Variants in SH3RF1 observed in about 807,000 individuals in gnomAD.
SH3RF1 encodes the protein E3 ubiquitin-protein ligase SH3RF1.
Under a neutral mutation model 74.0 loss-of-function variants are expected in SH3RF1, and 32 were observed. The ratio of observed to expected loss-of-function variants is 0.43; its 90% CI spans 0.33 to 0.58. The LOEUF is 0.58. Ranked by LOEUF, SH3RF1 falls within the 20% of genes least tolerant of loss-of-function variation. The probability of loss-of-function intolerance (pLI) is 0.05; values close to 1 mark genes in which losing one functional copy is unlikely to be tolerated. For missense variants in SH3RF1, 954 were observed against 1,130.9 expected (o/e 0.84, Z 2.24); for synonymous variants, 396 against 439.6 (o/e 0.90, Z 1.24).
intron 2 of SH3RF1, among the ~76,000 whole-genome samples, chr4:169,191,360 G>C (rs569471647): frequency 2.7e-5 from 4 of 150,120 alleles, no homozygotes; most frequent in Non-Finnish European, 5.9e-5. Flanking sequence ...CCTCTACCAG[G>C]GAAACTACAA....
chr4:169,153,809 G>A (rs1462707155), intron 4 of SH3RF1, among the ~76,000 whole-genome samples: 3 of 152,146 alleles, frequency 2.0e-5, no homozygotes, highest in African/African-American at 7.2e-5. Context: ...AAGAAAAGAA[G>A]CAGAATGAAA....
intron 4 of SH3RF1, among the ~76,000 whole-genome samples, chr4:169,143,794 T>C (rs1216464724): frequency 6.6e-6 from 1 of 152,222 alleles, no homozygotes. Flanking sequence ...AGCTCTTCAC[T>C]TATTTTCATT....
In SH3RF1 at chr4:169,221,793, T is replaced by C. The variant is rs368021658; in HGVS notation, c.393+47027A>G. 4.1e-4 allele frequency among the ~76,000 whole-genome samples: 62 copies of C among 152,316 alleles called. No individual in the cohort carries two copies. The East Asian group carries it at 7.1e-3, about 18-fold the overall frequency. On this transcript the variant is annotated intron_variant, in intron 2 of 11. Transcript: ENST00000284637. The stretch of plus-strand genomic sequence containing the variant: ...TTTAAAATTCATCACTTACGTAATA[T>C]CTGAATTCTACAACTCTGATAGCCT...
intron 5 of SH3RF1, among the ~76,000 whole-genome samples, chr4:169,130,445 T>C (rs747814364): frequency 5.3e-5 from 8 of 152,142 alleles, no homozygotes; most frequent in Non-Finnish European, 1.0e-4. Context: ...ATTGCCTCAT[T>C]TGGTACGCCA....
At chr4:169,100,663 C>T (rs114927810) in intron 11 of SH3RF1, among the ~76,000 whole-genome samples, 200 of 152,292 alleles carry the variant, frequency 1.3e-3, no homozygotes, top group African/African-American at 3.6e-3. Flanking sequence ...TCTTAAGTGG[C>T]AACTCTATTT....
chr4:169,190,938 G>GATACACC (rs1734694382), intron 2 of SH3RF1, among the ~76,000 whole-genome samples: 1 of 152,040 alleles, frequency 6.6e-6, no homozygotes, highest in Non-Finnish European at 1.5e-5. Context: ...CAATAAATGT[G>GATACACC]ATACACCACA....
At chr4:169,173,924 C>T (rs768915661) in intron 2 of SH3RF1, among the ~76,000 whole-genome samples, 32 of 151,854 alleles carry the variant, frequency 2.1e-4, no homozygotes, top group Non-Finnish European at 4.1e-4. Context: ...ATCACCCTAC[C>T]CACACACCAC....
intron 11 of SH3RF1, among the ~76,000 whole-genome samples, chr4:169,102,359 G>A (rs1159559672): frequency 1.3e-5 from 2 of 151,362 alleles, no homozygotes; most frequent in Admixed American, 1.3e-4. Context: ...GTTTCCAAGT[G>A]TTCTAGCTTA....
At chr4:169,119,031 A>G (rs2126944850) in intron 8 of SH3RF1, among the ~76,000 whole-genome samples, 1 of 152,282 alleles carries the variant, frequency 6.6e-6, no homozygotes, top group Non-Finnish European at 1.5e-5. Context: ...CATTAGCTTG[A>G]ACATCCTTAT....
intron 2 of SH3RF1, among the ~76,000 whole-genome samples, chr4:169,211,050 A>C (rs1235131184): frequency 6.6e-6 from 1 of 152,156 alleles, no homozygotes; most frequent in African/African-American, 2.4e-5. Context: ...CTCAAAACAT[A>C]TTTATTTTTA....
chr4:169,165,128 G>C (rs1186399568), intron 2 of SH3RF1, among the ~76,000 whole-genome samples: 1 of 152,146 alleles, frequency 6.6e-6, no homozygotes, highest in Non-Finnish European at 1.5e-5. Flanking sequence ...ATCACAGGAT[G>C]GGGACTATTT....
At position 169,102,915 on chromosome 4, in the gene SH3RF1, CTT is replaced by C. The variant is rs66574732; in HGVS notation, c.2498+3930_2498+3931del. Among the ~76,000 whole-genome samples, 519 of 66,832 alleles carry C rather than the reference CTT, an allele frequency of 7.8e-3. 1 individual carries two copies. The highest frequency in any genetic ancestry group is 0.03 in the African/African-American group (455 of 15,138). The allele number at this position is 66,832 out of a possible 152,430, so 43.8% of individuals were successfully genotyped here. A position where few individuals can be genotyped will look rare whatever the true frequency, so the allele number is the denominator to read the frequency against. On this transcript the variant is annotated intron_variant, in intron 11 of 11. Coordinates refer to ENST00000284637, the MANE Select transcript of SH3RF1 (RefSeq NM_020870.4). Reference sequence around the variant, plus strand: ...CAGCACCGGCTGCCCCAGTCACATTCTTTTTTTTTTTTTTTTTTTTTTTTGAG... The same window carrying C: ...CAGCACCGGCTGCCCCAGTCACATTCTTTTTTTTTTTTTTTTTTTTTTGAG...
chr4:169,169,833 T>C (rs906074979), intron 2 of SH3RF1, among the ~76,000 whole-genome samples: 9 of 152,100 alleles, frequency 5.9e-5, no homozygotes, highest in Non-Finnish European at 1.3e-4. Context: ...GCTCAAGCAA[T>C]CCTCCTGTCG....
chr4:169,186,363 G>A (rs779439927), intron 2 of SH3RF1, among the ~76,000 whole-genome samples: 2 of 151,414 alleles, frequency 1.3e-5, no homozygotes, highest in African/African-American at 4.9e-5. Context: ...AAAAAAAAAC[G>A]AATTTATTTG....
At chr4:169,129,445 A>G (rs1458301089) in intron 6 of SH3RF1, among the ~76,000 whole-genome samples, 2 of 151,940 alleles carry the variant, frequency 1.3e-5, no homozygotes, top group East Asian at 1.9e-4. Context: ...TCTCCCTATT[A>G]TTTTCCCATT....
intron 2 of SH3RF1, among the ~76,000 whole-genome samples, chr4:169,233,248 CAAAAAAAAAAAAAA>C (rs372381759): frequency 1.5e-5 from 1 of 65,594 alleles, no homozygotes; most frequent in African/African-American, 6.3e-5. Flanking sequence ...GACTCCATCT[CAAAAAAAAAAAAAA>C]AAAAAAAAAA....
Position 169,120,890 on chromosome 4 carries a change from C to A in SH3RF1, c.1446G>T (p.Trp482Cys). The part of the protein sequence containing the change: ...FLVFERCQDG[W>C]FKGTSMHTSK... ...TGGTATGCATGGATGTCCCTTTGAA[C>A]CAGCCATCCTGGCAGCGCTCAAACA... Residue 482 changes from tryptophan to cysteine, a missense_variant, in exon 8 of 12, where the codon TGG becomes TGT. Trp to Cys is a radical substitution (Grantham distance 215, BLOSUM62 -2). This residue lies in a region of SH3RF1 where 854 missense variants were observed against 962.5 expected (regional missense o/e 0.89). Coordinates refer to ENST00000284637, the MANE Select transcript of SH3RF1 (RefSeq NM_020870.4). The A allele has an allele frequency of 6.2e-7, 1 of 1,614,208 alleles. No homozygotes were observed. The highest frequency in any genetic ancestry group is 8.5e-7 in the Non-Finnish European group (1 of 1,180,034).
At chr4:169,245,992 GA>G (rs1203035872) in intron 2 of SH3RF1, among the ~76,000 whole-genome samples, 1 of 152,124 alleles carries the variant, frequency 6.6e-6, no homozygotes, top group Non-Finnish European at 1.5e-5. Flanking sequence ...AGTCAAACAG[GA>G]AAACACAGTC....
chr4:169,239,484 A>T (rs1308201136), intron 2 of SH3RF1, among the ~76,000 whole-genome samples: 1 of 152,196 alleles, frequency 6.6e-6, no homozygotes, highest in Non-Finnish European at 1.5e-5. Context: ...TTCAGTCCAT[A>T]TGTATGTATG....
Sources: gnomAD v4.1 joint callset for allele counts (sites outside exome capture counted in the v4.1 genomes callset) on GRCh38, gnomAD v4.1.1 for gene constraint, gnomAD v4.1.1 regional missense constraint, MANE v1.5 for transcripts, NCBI Gene and HGNC (gene_info 2026-07-23, HGNC 2026-07-21) for gene names.